The following GRIA4 variants were observed in gnomAD, a reference collection of about 807,000 sequenced individuals.
GRIA4 encodes glutamate ionotropic receptor AMPA type subunit 4.
A neutral mutation model predicts 104.0 loss-of-function variants in GRIA4; 34 were observed. That is an observed-to-expected ratio of 0.33 (90% confidence interval 0.25 to 0.44). The LOEUF is 0.44. GRIA4 is among the 20% of genes least tolerant of loss of function. GRIA4 has a pLI of 1.00. For synonymous variants in GRIA4, 386 were observed against 381.9 expected (o/e 1.01, Z -0.13); for missense variants, 750 against 1,096.5 (o/e 0.68, Z 4.46).
At chr11:105,650,623 C>T (rs1448568404) in intron 3 of GRIA4, among the ~76,000 whole-genome samples, 1 of 152,126 alleles carries the variant, frequency 6.6e-6, no homozygotes, top group Non-Finnish European at 1.5e-5. Context: ...GCATAAGAAT[C>T]TCTAGTTAGG....
chr11:105,972,042 G>A lies in GRIA4; in HGVS notation c.2409+14G>A. On this transcript the variant is annotated intron_variant, in intron 15 of 16. Transcript: ENST00000282499. Reference sequence around the variant, plus strand: ...TCTGGAAGCAAGGTCAGTCGCTGCAGTTCGGGGCCTCCTCTTGTGTTCACA... The same window carrying A: ...TCTGGAAGCAAGGTCAGTCGCTGCAATTCGGGGCCTCCTCTTGTGTTCACA... 1 of 1,480,742 alleles carries A rather than the reference G, an allele frequency of 6.8e-7. No homozygotes were observed. Among genetic ancestry groups the A allele is most frequent in the Non-Finnish European group, 9.4e-7 (1 of 1,059,596 alleles). The allele number at this position is 1,480,742 out of a possible 1,614,324, so 91.7% of individuals were successfully genotyped here. A position where few individuals can be genotyped will look rare whatever the true frequency, so the allele number is the denominator to read the frequency against.
chr11:105,820,322 C>CT (rs1333685858), intron 4 of GRIA4, among the ~76,000 whole-genome samples: 1 of 152,108 alleles, frequency 6.6e-6, no homozygotes, highest in East Asian at 1.9e-4. Context: ...CAAAGCACAA[C>CT]TTTTTCTATT....
chr11:105,810,118 T>C (rs367582693), intron 4 of GRIA4, among the ~76,000 whole-genome samples: 4 of 152,192 alleles, frequency 2.6e-5, no homozygotes, highest in East Asian at 3.9e-4. Context: ...GCCTTTCATT[T>C]TGTTTTGCTT....
intron 4 of GRIA4, among the ~76,000 whole-genome samples, chr11:105,782,141 G>A (rs1348927803): frequency 6.6e-6 from 1 of 152,148 alleles, no homozygotes; most frequent in African/African-American, 2.4e-5. Context: ...TATCCCTTGA[G>A]CTGATAGTTC....
intron 10 of GRIA4, chr11:105,912,562 A>G (rs1166689594): frequency 9.4e-6 from 3 of 318,508 alleles, no homozygotes; most frequent in African/African-American, 6.8e-5. Flanking sequence ...ATATATATAA[A>G]GGATATTCTG....
At chr11:105,837,123 A>G (rs1398991192) in intron 4 of GRIA4, among the ~76,000 whole-genome samples, 2 of 152,116 alleles carry the variant, frequency 1.3e-5, no homozygotes, top group African/African-American at 4.8e-5. Context: ...AAACACTTAT[A>G]AAACCATCAG....
Position 105,980,977 on chromosome 11 carries a change from T to A in GRIA4, c.*1238T>A, listed in dbSNP as rs979676383. On this transcript the variant is annotated 3_prime_UTR_variant, in exon 17 of 17. Coordinates refer to ENST00000282499, the MANE Select transcript of GRIA4 (RefSeq NM_000829.4). Reference sequence around the variant, plus strand: ...ATTGTGTGTTGAAATTTTACTTGACTGTATTTTGCTGCATAAAATTATGTG... The same window carrying A: ...ATTGTGTGTTGAAATTTTACTTGACAGTATTTTGCTGCATAAAATTATGTG... The A allele has an allele frequency of 5.2e-5, 8 of 152,684 alleles. 1 individual carries two copies. The highest frequency in any genetic ancestry group is 5.2e-4 in the Admixed American group (8 of 15,288). 9.5% of individuals were successfully genotyped at this position (152,684 alleles called of 1,614,324 possible).
chr11:105,745,499 A>T lies in GRIA4; in HGVS notation c.248-7482A>T, dbSNP rs373328576. ...GACAGAAAAACACAAAACATCTACC[A>T]TATCTACACCGACTAATCCAGAAGA... On this transcript the variant is annotated intron_variant, in intron 3 of 16. Transcript: ENST00000282499. Among the ~76,000 whole-genome samples, 23 of 152,272 alleles carry T rather than the reference A, an allele frequency of 1.5e-4. No individual in the cohort carries two copies. The East Asian group carries it at 4.1e-3, about 27-fold the overall frequency.
chr11:105,735,000 T>C (rs1463776909), intron 3 of GRIA4, among the ~76,000 whole-genome samples: 1 of 152,160 alleles, frequency 6.6e-6, no homozygotes, highest in Non-Finnish European at 1.5e-5. Context: ...TACTATCATA[T>C]AAAGTTCTAG....
At chr11:105,639,099 A>G (rs1951287295) in intron 3 of GRIA4, among the ~76,000 whole-genome samples, 1 of 152,130 alleles carries the variant, frequency 6.6e-6, no homozygotes, top group African/African-American at 2.4e-5. Flanking sequence ...TTTCCCTTTT[A>G]CTTGGAATGG....
chr11:105,740,315 T>G (rs376806092), intron 3 of GRIA4, among the ~76,000 whole-genome samples: 25 of 152,338 alleles, frequency 1.6e-4, no homozygotes, highest in African/African-American at 6.0e-4. Context: ...GAAGATCCAC[T>G]GCAGAAACAG....
At chr11:105,895,722 A>T (rs752802586) in intron 6 of GRIA4, among the ~76,000 whole-genome samples, 2 of 152,072 alleles carry the variant, frequency 1.3e-5, no homozygotes, top group Non-Finnish European at 2.9e-5. Flanking sequence ...TAGTATCCTT[A>T]CTTCCCAGCT....
At chr11:105,684,393 C>T (rs995001081) in intron 3 of GRIA4, among the ~76,000 whole-genome samples, 4 of 151,796 alleles carry the variant, frequency 2.6e-5, no homozygotes, top group Non-Finnish European at 5.9e-5. Flanking sequence ...GTATGTCAGG[C>T]ATTTGTTTAG....
At chr11:105,612,675 G>A in intron 3 of GRIA4, 1 of 455,090 alleles carries the variant, frequency 2.2e-6, no homozygotes. Context: ...GCTTCTTCCT[G>A]ACTTTCTCTT....
At chr11:105,861,976 A>T in intron 4 of GRIA4, 48 bp from the exon 5 acceptor site, 2 of 1,151,332 alleles carry the variant, frequency 1.7e-6, no homozygotes, top group Non-Finnish European at 2.6e-6. Context: ...ATACATCATT[A>T]AAGGGGAGTA....
intron 3 of GRIA4, among the ~76,000 whole-genome samples, chr11:105,634,473 G>A (rs1951136106): frequency 2.3e-5 from 1 of 43,774 alleles, no homozygotes; most frequent in Non-Finnish European, 6.0e-5. Context: ...GAAAGGGAAA[G>A]AAAGAAAGAA....
chr11:105,864,315 C>T (rs933123887), intron 5 of GRIA4, among the ~76,000 whole-genome samples: 4 of 152,138 alleles, frequency 2.6e-5, no homozygotes, highest in African/African-American at 7.2e-5. Flanking sequence ...CTTGGCTCTT[C>T]CACAAGAGCT....
At chr11:105,933,659 C>A in intron 13 of GRIA4, 63 bp from the exon 14 acceptor site, 1 of 1,228,118 alleles carries the variant, frequency 8.1e-7, no homozygotes, top group Non-Finnish European at 1.1e-6. Flanking sequence ...TATCTTGGTT[C>A]AGCGAATATT....
At chr11:105,893,260 A>G (rs1946519183) in intron 6 of GRIA4, among the ~76,000 whole-genome samples, 1 of 152,240 alleles carries the variant, frequency 6.6e-6, no homozygotes, top group Middle Eastern at 3.4e-3. Flanking sequence ...TTTTATTACA[A>G]TGTTGCCCAG....
Sources: allele counts gnomAD v4.1 joint callset (sites outside exome capture counted in the v4.1 genomes callset), GRCh38; gene constraint gnomAD v4.1.1; transcripts MANE v1.5; gene names NCBI Gene and HGNC (gene_info 2026-07-23, HGNC 2026-07-21).